Variants in ADAMTSL1 observed in about 807,000 individuals in gnomAD.
ADAMTSL1 encodes ADAMTS-like protein 1.
In ADAMTSL1, 126 loss-of-function variants were observed where a neutral mutation model predicts 201.8. The observed-to-expected ratio is 0.62, with a 90% confidence interval of 0.54 to 0.72. The LOEUF is 0.72. Ranked by LOEUF, ADAMTSL1 falls within the 30% of genes least tolerant of loss-of-function variation. The pLI is 0.00. For missense variants in ADAMTSL1, 2,679 were observed against 2,277.8 expected, an observed-to-expected ratio of 1.18 and a Z score of -3.59; for synonymous variants, 1,121 against 903.4, an observed-to-expected ratio of 1.24 and a Z score of -4.32.
chr9:18,742,339 G>A (rs979048478), intron 15 of ADAMTSL1, among the ~76,000 whole-genome samples: 2 of 152,188 alleles, frequency 1.3e-5, no homozygotes, highest in Non-Finnish European at 2.9e-5. Context: ...TTGGATGAAT[G>A]TCAAATTATT....
chr9:18,456,810 C>A (rs896330760), intron 2 of ADAMTSL1, among the ~76,000 whole-genome samples: 1 of 152,174 alleles, frequency 6.6e-6, no homozygotes, highest in African/African-American at 2.4e-5. Context: ...CTGATTTGCA[C>A]TTCAACCCCA....
intron 2 of ADAMTSL1, among the ~76,000 whole-genome samples, chr9:18,512,244 G>T (rs531194004): frequency 2.2e-4 from 33 of 152,188 alleles, no homozygotes; most frequent in African/African-American, 7.9e-4. Flanking sequence ...GGGGTGTATT[G>T]TTCCAAGATC....
At chr9:18,723,243 A>G in intron 15 of ADAMTSL1, 1 of 632,768 alleles carries the variant, frequency 1.6e-6, no homozygotes, top group Non-Finnish European at 2.8e-6. Context: ...GAAGCATTAA[A>G]CAGCTACTCC....
Position 18,777,087 on chromosome 9 carries a change from G to C in ADAMTSL1, c.2858G>C (p.Arg953Pro), listed in dbSNP as rs372249026. Residue 953 changes from arginine to proline, a missense_variant, in exon 19 of 29, where the codon CGG becomes CCG. Physicochemically the swap from Arg to Pro is moderately radical, Grantham distance 103 (BLOSUM62 -2). Coordinates refer to ENST00000380548, the MANE Select transcript of ADAMTSL1 (RefSeq NM_001040272.6). ...GVYTCSAGPA[R>P]EHFVIKLIGG... ...TACACCTGCTCAGCGGGCCCGGCCC[G>C]GGAGCACTTTGTGATTAAGCTCATC... The C allele has an allele frequency of 1.2e-6, 2 of 1,613,204 alleles. No homozygotes were observed. The highest frequency in any genetic ancestry group is 2.2e-5 in the South Asian group (2 of 91,078).
chr9:18,407,183 C>T (rs954870475), intron 2 of ADAMTSL1, among the ~76,000 whole-genome samples: 9 of 152,196 alleles, frequency 5.9e-5, no homozygotes, highest in African/African-American at 1.9e-4. Context: ...AAGGAAAGCA[C>T]TCAAAGCTGC....
chr9:18,548,989 C>G (rs1387736705), intron 3 of ADAMTSL1, among the ~76,000 whole-genome samples: 1 of 151,676 alleles, frequency 6.6e-6, no homozygotes, highest in Non-Finnish European at 1.5e-5. Context: ...TACAAAAGAG[C>G]CCTTAAGAGA....
At chr9:18,871,819 G>C (rs117191623) in intron 23 of ADAMTSL1, among the ~76,000 whole-genome samples, 2 of 152,042 alleles carry the variant, frequency 1.3e-5, no homozygotes, top group African/African-American at 4.8e-5. Context: ...AACTGATACA[G>C]ACTCTCTAAA....
chr9:18,423,822 T>C (rs907600782), intron 2 of ADAMTSL1, among the ~76,000 whole-genome samples: 3 of 152,222 alleles, frequency 2.0e-5, no homozygotes, highest in African/African-American at 7.2e-5. Context: ...GCTTCCATTA[T>C]CTTTTAAAAT....
intron 1 of ADAMTSL1, among the ~76,000 whole-genome samples, chr9:18,480,445 C>T (rs535637765): frequency 2.0e-5 from 3 of 152,150 alleles, no homozygotes; most frequent in Non-Finnish European, 4.4e-5. Context: ...AATGGCAAAG[C>T]CACCAAGTGG....
At chr9:18,581,701 C>T (rs2132414662) in intron 4 of ADAMTSL1, among the ~76,000 whole-genome samples, 1 of 152,246 alleles carries the variant, frequency 6.6e-6, no homozygotes, top group Non-Finnish European at 1.5e-5. Context: ...AAGCAGATTC[C>T]CATTCCCACT....
intron 1 of ADAMTSL1, among the ~76,000 whole-genome samples, chr9:18,091,084 T>C (rs1823996843): frequency 6.6e-6 from 1 of 152,014 alleles, no homozygotes; most frequent in African/African-American, 2.4e-5. Flanking sequence ...TGTGTGTGTG[T>C]GTGTGTGTGT....
At chr9:18,486,991 C>T (rs1822029000) in intron 1 of ADAMTSL1, among the ~76,000 whole-genome samples, 1 of 152,152 alleles carries the variant, frequency 6.6e-6, no homozygotes, top group Non-Finnish European at 1.5e-5. Context: ...ATAGGCATCA[C>T]ACGTGAAGTT....
chr9:18,252,479 CA>C (rs1205345384), intron 2 of ADAMTSL1, among the ~76,000 whole-genome samples: 2 of 152,144 alleles, frequency 1.3e-5, no homozygotes, highest in African/African-American at 4.8e-5. Flanking sequence ...TAAATCTACA[CA>C]TATCCCCCTG....
intron 1 of ADAMTSL1, among the ~76,000 whole-genome samples, chr9:18,012,775 A>G (rs1394850946): frequency 2.0e-5 from 3 of 152,012 alleles, no homozygotes; most frequent in African/African-American, 4.8e-5. Context: ...AGGTATCACA[A>G]TGCGGGAGCT....
At chr9:18,166,881 C>G (rs145476519) in intron 2 of ADAMTSL1, among the ~76,000 whole-genome samples, 99 of 152,050 alleles carry the variant, frequency 6.5e-4, no homozygotes, top group African/African-American at 2.3e-3. Context: ...TTTGACCTTT[C>G]AGTGATACTT....
Position 18,227,295 on chromosome 9 carries a change from T to A in ADAMTSL1, c.207+63314T>A, listed in dbSNP as rs548593760. Among the ~76,000 whole-genome samples, 3 of 152,252 alleles carry A rather than the reference T, an allele frequency of 2.0e-5. No individual in the cohort carries two copies. In the South Asian group the frequency reaches 6.2e-4, roughly 32 times the overall value. The stretch of plus-strand genomic sequence containing the variant: ...TGTATATGATGCTTGGCTCTGTGCA[T>A]GTTTGCTCAAAGAGAAATCAGATAC... On this transcript the variant is annotated intron_variant, in intron 2 of 29. Coordinates refer to the ADAMTSL1 transcript ENST00000680146.
intron 23 of ADAMTSL1, among the ~76,000 whole-genome samples, chr9:18,843,823 A>G (rs1225880242): frequency 6.7e-6 from 1 of 149,668 alleles, no homozygotes; most frequent in Non-Finnish European, 1.5e-5. Context: ...CCAGTTGATC[A>G]CATCAGCTCC....
chr9:18,825,779 T>TC, intron 21 of ADAMTSL1, among the ~76,000 whole-genome samples: 1 of 151,902 alleles, frequency 6.6e-6, no homozygotes, highest in African/African-American at 2.4e-5. Flanking sequence ...AGGTTTTTTT[T>TC]TTTTTACTTA....
chr9:18,497,369 C>G (rs1184841029), intron 1 of ADAMTSL1, among the ~76,000 whole-genome samples: 3 of 151,790 alleles, frequency 2.0e-5, no homozygotes, highest in African/African-American at 7.3e-5. Flanking sequence ...CAGCTTCAGG[C>G]TTCTACTCCT....
Sources: allele counts gnomAD v4.1 joint callset (sites outside exome capture counted in the v4.1 genomes callset), GRCh38; gene constraint gnomAD v4.1.1; transcripts MANE v1.5; gene names NCBI Gene and HGNC (gene_info 2026-07-23, HGNC 2026-07-21).